SLC24A3: variants seen among roughly 807,000 people sequenced by gnomAD.
SLC24A3 encodes sodium/potassium/calcium exchanger 3.
A neutral mutation model predicts 75.8 loss-of-function variants in SLC24A3; 28 were observed. The observed-to-expected ratio is 0.37, with a 90% CI of 0.27 to 0.51. The LOEUF (loss-of-function observed/expected upper bound fraction) is 0.51. Among genes scored for constraint, SLC24A3 ranks in the 20% least tolerant of loss-of-function variants. The pLI, the probability that SLC24A3 is intolerant of heterozygous loss-of-function variation, is 0.94. For synonymous variants in SLC24A3, 372 were observed against 334.1 expected (o/e 1.11, Z -1.24); for missense variants, 663 against 847.8 (o/e 0.78, Z 2.71).
chr20:19,456,164 ACAGT>A lies in SLC24A3; in HGVS notation c.272-59323_272-59320del, dbSNP rs201971057. Among the ~76,000 whole-genome samples the A allele has an allele frequency of 3.5e-3, 531 of 152,312 alleles. 12 individuals are homozygous for A. Among genetic ancestry groups the A allele is most frequent in the Admixed American group, 0.033 (500 of 15,304 alleles). ...CTTTAGAAAAAGAGATTTGGGCCCC[ACAGT>A]TAGGGTAGCCTTTGGAGGAACACTT... On this transcript the variant is annotated intron_variant, in intron 2 of 16. Coordinates refer to ENST00000328041, the MANE Select transcript of SLC24A3 (RefSeq NM_020689.4).
intron 2 of SLC24A3, among the ~76,000 whole-genome samples, chr20:19,486,950 T>G (rs79721723): frequency 6.6e-6 from 1 of 152,322 alleles, no homozygotes; most frequent in East Asian, 1.9e-4. Flanking sequence ...GGAGCCCTGC[T>G]TCTCTGGAGG....
chr20:19,507,693 T>C (rs1388769935), intron 2 of SLC24A3, among the ~76,000 whole-genome samples: 1 of 152,162 alleles, frequency 6.6e-6, no homozygotes, highest in Non-Finnish European at 1.5e-5. Flanking sequence ...GATGTAGAAA[T>C]ACTCCTCCTA....
intron 2 of SLC24A3, among the ~76,000 whole-genome samples, chr20:19,435,935 C>G (rs891212207): frequency 1.1e-4 from 17 of 152,172 alleles, no homozygotes; most frequent in Non-Finnish European, 2.2e-4. Context: ...GGGTCTGCAG[C>G]TTAATCACCT....
chr20:19,405,913 G>A (rs1479073858), intron 2 of SLC24A3, among the ~76,000 whole-genome samples: 2 of 152,146 alleles, frequency 1.3e-5, no homozygotes, highest in Admixed American at 6.5e-5. Flanking sequence ...ATGTATTCAT[G>A]TTTATTCCGT....
chr20:19,259,519 G>C (rs1982918676), intron 1 of SLC24A3, among the ~76,000 whole-genome samples: 2 of 152,152 alleles, frequency 1.3e-5, no homozygotes, highest in South Asian at 4.1e-4. Context: ...GAAGATTGGC[G>C]ACCAGGCAAG....
At position 19,510,087 on chromosome 20, in the gene SLC24A3, A is replaced by G. The variant is rs540324286; in HGVS notation, c.272-5401A>G. Among the ~76,000 whole-genome samples the G allele has an allele frequency of 2.0e-5, 3 of 152,344 alleles. No individual in the cohort carries two copies. In the East Asian group the frequency reaches 5.8e-4, roughly 29 times the overall value. ...ACGTAGGAGCTGACAAAGATCAATG[A>G]CAATCCTTATGGCCTCCCTAAACGA... is the stretch of plus-strand genomic sequence containing the variant. On this transcript the variant is annotated intron_variant, in intron 2 of 16. Transcript: ENST00000328041.
intron 3 of SLC24A3, among the ~76,000 whole-genome samples, chr20:19,520,722 C>T (rs1261295331): frequency 6.6e-6 from 1 of 151,928 alleles, no homozygotes; most frequent in African/African-American, 2.4e-5. Context: ...TGGTGGTCTC[C>T]CCTGTTCCCC....
At chr20:19,571,153 C>G (rs2031045984) in intron 3 of SLC24A3, among the ~76,000 whole-genome samples, 1 of 152,098 alleles carries the variant, frequency 6.6e-6, no homozygotes, top group African/African-American at 2.4e-5. Flanking sequence ...CTGGACTTCT[C>G]TGTGCCCCAG....
intron 1 of SLC24A3, among the ~76,000 whole-genome samples, chr20:19,221,480 T>TA (rs1270865439): frequency 6.6e-6 from 1 of 152,228 alleles, no homozygotes; most frequent in African/African-American, 2.4e-5. Flanking sequence ...TCAGTGTACA[T>TA]TTTTGAGGGT....
At chr20:19,559,806 A>G (rs1157370924) in intron 3 of SLC24A3, among the ~76,000 whole-genome samples, 1 of 152,122 alleles carries the variant, frequency 6.6e-6, no homozygotes, top group Non-Finnish European at 1.5e-5. Flanking sequence ...TTCTGTGAGC[A>G]CTTGCTACTC....
intron 6 of SLC24A3, among the ~76,000 whole-genome samples, chr20:19,624,292 G>T (rs1242153198): frequency 6.6e-6 from 1 of 152,080 alleles, no homozygotes; most frequent in Non-Finnish European, 1.5e-5. Context: ...CAAGTATCCT[G>T]GAACCCAGCA....
chr20:19,633,540 T>G (rs921826367), intron 6 of SLC24A3, among the ~76,000 whole-genome samples: 2 of 149,400 alleles, frequency 1.3e-5, no homozygotes, highest in Non-Finnish European at 3.0e-5. Flanking sequence ...TCCCAGCTAC[T>G]TGGGAGGCTG....
intron 1 of SLC24A3, among the ~76,000 whole-genome samples, chr20:19,236,494 A>G (rs758039824): frequency 4.6e-5 from 7 of 152,196 alleles, no homozygotes; most frequent in Non-Finnish European, 8.8e-5. Context: ...GCTCATGCCT[A>G]TAATCCTAGT....
chr20:19,311,161 G>A (rs1398181277), intron 2 of SLC24A3, among the ~76,000 whole-genome samples: 1 of 151,632 alleles, frequency 6.6e-6, no homozygotes, highest in Non-Finnish European at 1.5e-5. Flanking sequence ...TTGGGTTTTG[G>A]TTACTCATAT....
intron 1 of SLC24A3, among the ~76,000 whole-genome samples, chr20:19,246,130 A>G (rs968125707): frequency 6.6e-6 from 1 of 152,188 alleles, no homozygotes; most frequent in African/African-American, 2.4e-5. Flanking sequence ...ACATCACACC[A>G]GTTAAATTAT....
At chr20:19,426,610 A>G (rs1334794953) in intron 2 of SLC24A3, among the ~76,000 whole-genome samples, 4 of 152,222 alleles carry the variant, frequency 2.6e-5, no homozygotes, top group Admixed American at 2.0e-4. Flanking sequence ...ATTTTGATGC[A>G]TGGATGTATT....
At chr20:19,691,228 A>G (rs1040019747) in intron 12 of SLC24A3, among the ~76,000 whole-genome samples, 1 of 152,238 alleles carries the variant, frequency 6.6e-6, no homozygotes, top group Non-Finnish European at 1.5e-5. Flanking sequence ...GATGAGAGTT[A>G]TATTTAGATT....
intron 7 of SLC24A3, among the ~76,000 whole-genome samples, chr20:19,665,148 G>C (rs1753438855): frequency 6.6e-6 from 1 of 152,130 alleles, no homozygotes; most frequent in African/African-American, 2.4e-5. Flanking sequence ...ACCTCAGTGG[G>C]GTGCTAGTGT....
intron 3 of SLC24A3, among the ~76,000 whole-genome samples, chr20:19,576,044 T>C (rs985968922): frequency 5.3e-5 from 8 of 152,218 alleles, no homozygotes; most frequent in African/African-American, 1.9e-4. Context: ...CCATGTGTAC[T>C]TGGGTAAGTT....
Sources: allele counts gnomAD v4.1 joint callset (sites outside exome capture counted in the v4.1 genomes callset), GRCh38; gene constraint gnomAD v4.1.1; transcripts MANE v1.5; gene names NCBI Gene and HGNC (gene_info 2026-07-23, HGNC 2026-07-21).